Variants in DLG2 observed in about 807,000 individuals in gnomAD.
DLG2 encodes disks large homolog 2.
DLG2 carries 45 observed loss-of-function variants against 132.5 expected under a neutral mutation model. The ratio of observed to expected loss-of-function variants is 0.34; its 90% confidence interval spans 0.27 to 0.44. The LOEUF (loss-of-function observed/expected upper bound fraction) is 0.44. Among genes scored for constraint, DLG2 ranks in the 20% least tolerant of loss-of-function variants. DLG2 has a pLI of 1.00. For synonymous variants in DLG2, 424 were observed against 419.6 expected, an observed-to-expected ratio of 1.01 and a Z score of -0.13; for missense variants, 1,045 against 1,196.9, an observed-to-expected ratio of 0.87 and a Z score of 1.87.
intron 7 of DLG2, among the ~76,000 whole-genome samples, chr11:84,368,261 T>C (rs2098692120): frequency 6.6e-6 from 1 of 152,180 alleles, no homozygotes; most frequent in African/African-American, 2.4e-5. Flanking sequence ...AATCTACTTT[T>C]TCAAAATATC....
At chr11:83,828,156 C>A (rs928175761) in intron 17 of DLG2, among the ~76,000 whole-genome samples, 2 of 152,086 alleles carry the variant, frequency 1.3e-5, no homozygotes, top group Non-Finnish European at 2.9e-5. Flanking sequence ...TAGATGGCAC[C>A]CATAACCTTA....
intron 6 of DLG2, among the ~76,000 whole-genome samples, chr11:84,712,221 C>A (rs528017596): frequency 6.6e-6 from 1 of 152,018 alleles, no homozygotes; most frequent in Non-Finnish European, 1.5e-5. Context: ...TCAATATTCC[C>A]TTTCTGTGAA....
chr11:84,160,831 T>C (rs1158091630), intron 9 of DLG2, among the ~76,000 whole-genome samples: 2 of 152,170 alleles, frequency 1.3e-5, no homozygotes, highest in South Asian at 2.1e-4. Context: ...AATATACTAG[T>C]AGACCTGGTA....
chr11:84,227,004 T>C (rs2097007143), intron 8 of DLG2, among the ~76,000 whole-genome samples: 1 of 151,998 alleles, frequency 6.6e-6, no homozygotes, highest in African/African-American at 2.4e-5. Context: ...GAGAATGGCT[T>C]GAACCCAGGA....
At chr11:84,455,816 T>A (rs1003982433) in intron 7 of DLG2, among the ~76,000 whole-genome samples, 1 of 151,310 alleles carries the variant, frequency 6.6e-6, no homozygotes, top group African/African-American at 2.4e-5. Context: ...AACTGTATCA[T>A]CTAAGAAAGT....
At chr11:85,313,691 T>C (rs943713730) in intron 3 of DLG2, among the ~76,000 whole-genome samples, 1 of 152,052 alleles carries the variant, frequency 6.6e-6, no homozygotes, top group East Asian at 1.9e-4. Flanking sequence ...TTATTCATAA[T>C]TGAAAACCAC....
chr11:85,457,837 A>G (rs1285352827), intron 3 of DLG2, among the ~76,000 whole-genome samples: 1 of 151,982 alleles, frequency 6.6e-6, no homozygotes, highest in East Asian at 1.9e-4. Flanking sequence ...TTCTAGATGA[A>G]CGTCCCTTCT....
At chr11:84,034,323 T>C (rs763236912) in intron 11 of DLG2, among the ~76,000 whole-genome samples, 12 of 152,154 alleles carry the variant, frequency 7.9e-5, no homozygotes, top group Non-Finnish European at 1.5e-4. Flanking sequence ...TGTAATACTG[T>C]TGCATACTCA....
At chr11:83,512,817 A>G (rs2095104892) in intron 21 of DLG2, among the ~76,000 whole-genome samples, 1 of 152,088 alleles carries the variant, frequency 6.6e-6, no homozygotes, top group African/African-American at 2.4e-5. Flanking sequence ...TTTGCTGAGA[A>G]TGATGGTTTC....
chr11:85,504,596 T>G (rs1458875656), intron 3 of DLG2, among the ~76,000 whole-genome samples: 1 of 152,232 alleles, frequency 6.6e-6, no homozygotes, highest in Non-Finnish European at 1.5e-5. Flanking sequence ...AACAGTACCA[T>G]GCTGTTTTGG....
chr11:85,112,684 C>T (rs2072965079), intron 5 of DLG2, among the ~76,000 whole-genome samples: 1 of 151,998 alleles, frequency 6.6e-6, no homozygotes, highest in Non-Finnish European at 1.5e-5. Flanking sequence ...GTATTATGCT[C>T]ACTTTCTAGT....
At chr11:84,576,594 C>G (rs948215318) in intron 6 of DLG2, among the ~76,000 whole-genome samples, 1 of 151,986 alleles carries the variant, frequency 6.6e-6, no homozygotes, top group Non-Finnish European at 1.5e-5. Flanking sequence ...CCTGTTAACA[C>G]CAAAAGACAA....
intron 7 of DLG2, among the ~76,000 whole-genome samples, chr11:84,448,519 T>C (rs1307577112): frequency 6.6e-6 from 1 of 152,066 alleles, no homozygotes; most frequent in Non-Finnish European, 1.5e-5. Context: ...TATAAATTTG[T>C]ACCTTTGAAC....
chr11:83,891,143 G>A (rs1596016853), intron 15 of DLG2, among the ~76,000 whole-genome samples: 1 of 152,098 alleles, frequency 6.6e-6, no homozygotes, highest in African/African-American at 2.4e-5. Context: ...TATTGTATAG[G>A]TTCATATGAA....
intron 8 of DLG2, among the ~76,000 whole-genome samples, chr11:84,234,037 T>A (rs1473805555): frequency 6.6e-6 from 1 of 152,132 alleles, no homozygotes; most frequent in East Asian, 1.9e-4. Flanking sequence ...TTAACTGGCA[T>A]AGGACCTTCT....
At chr11:84,349,089 TCAATTAGATTACCTCC>T (rs1485081390) in intron 7 of DLG2, among the ~76,000 whole-genome samples, 2 of 152,230 alleles carry the variant, frequency 1.3e-5, no homozygotes, top group Non-Finnish European at 2.9e-5. Context: ...GAAAAGTTTT[TCAATTAGATTACCTCC>T]CGGTTTTAAC....
intron 3 of DLG2, among the ~76,000 whole-genome samples, chr11:85,394,740 A>G (rs2152952829): frequency 6.6e-6 from 1 of 152,282 alleles, no homozygotes; most frequent in East Asian, 1.9e-4. Flanking sequence ...CAGATATTAT[A>G]AAGACAAAAG....
chr11:84,519,632 C>T (rs557973053), intron 7 of DLG2, among the ~76,000 whole-genome samples: 2 of 152,252 alleles, frequency 1.3e-5, no homozygotes, highest in South Asian at 4.2e-4. Context: ...CTGAGGGCTG[C>T]TGTGGAATTG....
intron 8 of DLG2, among the ~76,000 whole-genome samples, chr11:84,170,722 T>G (rs2095801162): frequency 6.6e-6 from 1 of 152,198 alleles, no homozygotes; most frequent in South Asian, 2.1e-4. Context: ...GATGCTTGCA[T>G]TGTACTCCTG....
Sources: allele counts gnomAD v4.1 joint callset (sites outside exome capture counted in the v4.1 genomes callset), GRCh38; gene constraint gnomAD v4.1.1; transcripts MANE v1.5; gene names NCBI Gene and HGNC (gene_info 2026-07-23, HGNC 2026-07-21).